PLEKHS1: variants seen among roughly 807,000 people sequenced by gnomAD.
PLEKHS1 encodes pleckstrin homology domain containing S1.
In PLEKHS1, 55 loss-of-function variants were observed where a neutral mutation model predicts 51.0. The observed-to-expected ratio is 1.08, with a 90% CI of 0.87 to 1.35. The LOEUF is 1.35. PLEKHS1 is among the 40% of genes most tolerant of loss of function. The probability of loss-of-function intolerance (pLI) is 0.00; values close to 1 mark genes in which losing one functional copy is unlikely to be tolerated. For synonymous variants in PLEKHS1, 153 were observed against 144.8 expected (o/e 1.06, Z -0.41); for missense variants, 398 against 423.0 (o/e 0.94, Z 0.52).
chr10:113,781,087 G>A (rs1411803598), exon 12 of PLEKHS1: 15 of 350,648 alleles, frequency 4.3e-5, no homozygotes, highest in Non-Finnish European at 7.4e-5. Context: ...GTGAGGATGT[G>A]GTCCACACAA....
At chr10:113,777,314 A>T in intron 11 of PLEKHS1, 55 bp downstream of exon 12, 2 of 1,608,674 alleles carry the variant, frequency 1.2e-6, no homozygotes, top group East Asian at 4.5e-5. Flanking sequence ...AAGGAAAAAG[A>T]TCAGGGTCTT....
chr10:113,772,350 G>A (rs570424566), intron 8 of PLEKHS1, among the ~76,000 whole-genome samples: 1 of 152,170 alleles, frequency 6.6e-6, no homozygotes, highest in Non-Finnish European at 1.5e-5. Flanking sequence ...TCAAACAAAA[G>A]ATCAGGAAGA....
chr10:113,758,927 G>T (rs573976585), intron 2 of PLEKHS1, among the ~76,000 whole-genome samples: 1 of 152,162 alleles, frequency 6.6e-6, no homozygotes, highest in Admixed American at 6.5e-5. Context: ...GTGACACAGA[G>T]ACACTAAGTA....
intron 4 of PLEKHS1, 21 bp downstream of exon 4, chr10:113,766,739 AC>A (rs1844181070): frequency 2.2e-5 from 34 of 1,523,534 alleles, no homozygotes; most frequent in Non-Finnish European, 3.0e-5. Context: ...AAGCAGGAAA[AC>A]TTTTATAACA....
intron 11 of PLEKHS1, chr10:113,777,568 C>A: frequency 1.9e-6 from 3 of 1,550,778 alleles, no homozygotes; most frequent in Non-Finnish European, 2.6e-6. Context: ...CTCCTTCAAC[C>A]AATTTGTGCC....
chr10:113,777,032 C>T, intron 11 of PLEKHS1, 92 bp from the exon 12 acceptor site: 14 of 1,442,348 alleles, frequency 9.7e-6, no homozygotes, highest in Non-Finnish European at 1.3e-5. Flanking sequence ...AGAGGTGGTG[C>T]CACGTGACCT....
chr10:113,763,565 A>G (rs1046792734), intron 2 of PLEKHS1, among the ~76,000 whole-genome samples: 2 of 151,960 alleles, frequency 1.3e-5, no homozygotes, highest in African/African-American at 4.8e-5. Context: ...TTTTTTATGA[A>G]TCCATTTTAT....
intron 2 of PLEKHS1, among the ~76,000 whole-genome samples, chr10:113,760,731 T>C (rs755172028): frequency 3.1e-4 from 47 of 152,188 alleles, no homozygotes; most frequent in Non-Finnish European, 2.2e-4. Flanking sequence ...AGATATATGA[T>C]TTTTGAATAT....
intron 2 of PLEKHS1, among the ~76,000 whole-genome samples, chr10:113,762,525 T>G (rs1232347300): frequency 1.3e-5 from 2 of 151,908 alleles, no homozygotes; most frequent in African/African-American, 4.8e-5. Context: ...ATCCACAAAT[T>G]CTGATACCTT....
At chr10:113,757,438 C>T (rs1854174391) in intron 2 of PLEKHS1, among the ~76,000 whole-genome samples, 1 of 152,178 alleles carries the variant, frequency 6.6e-6, no homozygotes, top group South Asian at 2.1e-4. Flanking sequence ...TATGCGTACA[C>T]TATACTGTAG....
At chr10:113,783,055 G>A (rs1844901992), downstream of PLEKHS1, 1 of 152,132 alleles carries the variant, frequency 6.6e-6, no homozygotes, top group Non-Finnish European at 1.5e-5. Flanking sequence ...GACCAACATG[G>A]AGAAACCCTG....
At chr10:113,762,413 G>A (rs977873811) in intron 2 of PLEKHS1, among the ~76,000 whole-genome samples, 1 of 135,780 alleles carries the variant, frequency 7.4e-6, no homozygotes, top group African/African-American at 2.7e-5. Context: ...AACGTTTCAG[G>A]TGGAAGCTGA....
chr10:113,775,390 A>C (rs138195664), intron 10 of PLEKHS1, among the ~76,000 whole-genome samples: 71 of 152,332 alleles, frequency 4.7e-4, no homozygotes, highest in East Asian at 2.5e-3. Context: ...AGACTTAGTT[A>C]TAGACCAGGA....
intron 8 of PLEKHS1, 30 bp downstream of exon 8, chr10:113,772,119 T>C: frequency 6.2e-7 from 1 of 1,609,228 alleles, no homozygotes; most frequent in Non-Finnish European, 8.5e-7. Flanking sequence ...TCATCATTTG[T>C]TTCTTTAACA....
intron 2 of PLEKHS1, among the ~76,000 whole-genome samples, chr10:113,764,092 T>C (rs1369084886): frequency 6.6e-6 from 1 of 152,160 alleles, no homozygotes; most frequent in African/African-American, 2.4e-5. Context: ...ACTTTAAATA[T>C]AGTTTGCTTG....
At chr10:113,761,208 T>C (rs2134490935) in intron 2 of PLEKHS1, among the ~76,000 whole-genome samples, 1 of 152,284 alleles carries the variant, frequency 6.6e-6, no homozygotes, top group Admixed American at 6.5e-5. Flanking sequence ...GTTTTGAAAT[T>C]GGGAAGTGTG....
At chr10:113,777,524 A>G in intron 11 of PLEKHS1, 2 of 1,556,714 alleles carry the variant, frequency 1.3e-6, no homozygotes, top group Non-Finnish European at 1.7e-6. Flanking sequence ...AAGAGCTTGC[A>G]TGGAATCAGA....
intron 11 of PLEKHS1, chr10:113,777,509 G>A (rs1172318107): frequency 3.2e-6 from 5 of 1,564,758 alleles, no homozygotes; most frequent in Non-Finnish European, 4.3e-6. Flanking sequence ...GCATGATGTA[G>A]CAAAAAGAGC....
chr10:113,752,198 T>C (rs757313578), intron 1 of PLEKHS1, among the ~76,000 whole-genome samples: 9 of 152,224 alleles, frequency 5.9e-5, no homozygotes, highest in Non-Finnish European at 8.8e-5. Flanking sequence ...TCTTTTTAAT[T>C]ACATGATCAA....
Sources: allele counts gnomAD v4.1 joint callset (sites outside exome capture counted in the v4.1 genomes callset), GRCh38; gene constraint gnomAD v4.1.1; transcripts MANE v1.5; gene names NCBI Gene and HGNC (gene_info 2026-07-23, HGNC 2026-07-21).